The following GRIA1 variants were observed in gnomAD, a reference collection of about 807,000 sequenced individuals.
The protein encoded by GRIA1 is glutamate ionotropic receptor AMPA type subunit 1, also known as glutamate receptor 1.
A neutral mutation model predicts 99.2 loss-of-function variants in GRIA1; 31 were observed. The ratio of observed to expected loss-of-function variants is 0.31; its 90% confidence interval spans 0.23 to 0.42. The LOEUF (loss-of-function observed/expected upper bound fraction) is 0.42, where lower values mean the gene tolerates loss of function less well. Among genes scored for constraint, GRIA1 ranks in the 10% least tolerant of loss-of-function variants. The probability of loss-of-function intolerance (pLI) is 1.00; values close to 1 mark genes in which losing one functional copy is unlikely to be tolerated. For missense variants in GRIA1, 782 were observed against 1,157.5 expected, an observed-to-expected ratio of 0.68 and a Z score of 4.71; for synonymous variants, 438 against 432.4, an observed-to-expected ratio of 1.01 and a Z score of -0.16.
chr5:153,529,211 T>C (rs879750342), intron 2 of GRIA1, among the ~76,000 whole-genome samples: 2 of 152,230 alleles, frequency 1.3e-5, no homozygotes, highest in Non-Finnish European at 2.9e-5. Flanking sequence ...TCTTATATTG[T>C]CTGACAGGGC....
chr5:153,585,298 T>C (rs1561664263), intron 2 of GRIA1, among the ~76,000 whole-genome samples: 3 of 117,790 alleles, frequency 2.5e-5, no homozygotes, highest in South Asian at 2.9e-4. Context: ...TTTCTCTCTC[T>C]CTTTTTTTTT....
chr5:153,596,028 T>A (rs74379533), intron 2 of GRIA1, among the ~76,000 whole-genome samples: 2 of 147,630 alleles, frequency 1.4e-5, no homozygotes, highest in Non-Finnish European at 3.0e-5. Context: ...ATATAGACAA[T>A]AAAAAAAAAA....
chr5:153,740,289 A>G (rs140418485), intron 11 of GRIA1, among the ~76,000 whole-genome samples: 60 of 152,334 alleles, frequency 3.9e-4, no homozygotes, highest in African/African-American at 1.4e-3. Context: ...CAGGTAGCAC[A>G]TATAAACCAG....
At chr5:153,681,901 G>A (rs145891383) in intron 7 of GRIA1, among the ~76,000 whole-genome samples, 30 of 152,248 alleles carry the variant, frequency 2.0e-4, no homozygotes, top group African/African-American at 7.2e-4. Context: ...GGGATGTGTA[G>A]CAGGCACCTG....
In GRIA1 at chr5:153,802,743, T is replaced by G. The variant is rs375825238; in HGVS notation, c.2520+253T>G. On this transcript the variant is annotated intron_variant, in intron 15 of 15. Transcript: ENST00000285900. ...TTTGCCAGAGTGGGGTCAGTGAGAT[T>G]GAAGGCTAGTGGTTTACATGGATAG... Among the ~76,000 whole-genome samples, 5 of 152,194 alleles carry G rather than the reference T, an allele frequency of 3.3e-5. No homozygotes were observed. In the East Asian group the frequency reaches 9.7e-4, roughly 29 times the overall value.
At chr5:153,620,676 A>G (rs993588608) in intron 2 of GRIA1, among the ~76,000 whole-genome samples, 24 of 152,196 alleles carry the variant, frequency 1.6e-4, no homozygotes, top group African/African-American at 5.5e-4. Flanking sequence ...CTAGGGTTTT[A>G]AAATACTATT....
chr5:153,804,751 T>G (rs1479138883), intron 15 of GRIA1, among the ~76,000 whole-genome samples: 1 of 151,082 alleles, frequency 6.6e-6, no homozygotes, highest in Non-Finnish European at 1.5e-5. Flanking sequence ...ATTTATTTAT[T>G]TATTTATTTA....
Position 153,677,104 on chromosome 5 carries a change from G to C in GRIA1, c.972G>C (p.Leu324=). 6.3e-7 allele frequency: 1 copy of C among 1,581,360 alleles called. No individual in the cohort carries two copies. The highest frequency in any genetic ancestry group is 1.2e-5 in the South Asian group (1 of 86,280). ...ISRRGNAGDC[L]ANPAVPWGQG... ...GCCGGGGGAATGCTGGGGATTGTCT[G>C]GCTAACCCAGCTGTTCCCTGGGGCC... Residue 324 remains leucine, a synonymous_variant, in exon 7 of 16, where the codon CTG becomes CTC. Transcript: ENST00000285900.
At chr5:153,519,249 G>A (rs544035395) in intron 2 of GRIA1, among the ~76,000 whole-genome samples, 1 of 151,894 alleles carries the variant, frequency 6.6e-6, no homozygotes, top group East Asian at 1.9e-4. Flanking sequence ...ACGACAGAGC[G>A]AGACTCCATC....
chr5:153,747,294 T>TAAAC (rs894457731), intron 11 of GRIA1, among the ~76,000 whole-genome samples: 3 of 152,118 alleles, frequency 2.0e-5, no homozygotes, highest in African/African-American at 7.2e-5. Context: ...CAAGCTCGTT[T>TAAAC]AAACAACCAG....
At chr5:153,685,189 GGA>G (rs1757256038) in intron 7 of GRIA1, among the ~76,000 whole-genome samples, 1 of 152,196 alleles carries the variant, frequency 6.6e-6, no homozygotes, top group Non-Finnish European at 1.5e-5. Context: ...TAGGCAAGAG[GGA>G]TCTGAGGACA....
intron 2 of GRIA1, among the ~76,000 whole-genome samples, chr5:153,538,919 G>A (rs1001976451): frequency 6.6e-6 from 1 of 152,148 alleles, no homozygotes; most frequent in Non-Finnish European, 1.5e-5. Context: ...ATCCTAGCAT[G>A]TGTAATTCCA....
chr5:153,780,168 A>C (rs1378748131), intron 13 of GRIA1, among the ~76,000 whole-genome samples: 1 of 152,070 alleles, frequency 6.6e-6, no homozygotes, highest in Admixed American at 6.6e-5. Context: ...TTAATTTCAG[A>C]CTTGCTAGGT....
At chr5:153,784,779 A>G (rs544487202) in intron 13 of GRIA1, among the ~76,000 whole-genome samples, 3 of 152,316 alleles carry the variant, frequency 2.0e-5, no homozygotes, top group South Asian at 4.1e-4. Flanking sequence ...TAAATGGTCC[A>G]CACAGCCAGT....
intron 11 of GRIA1, among the ~76,000 whole-genome samples, chr5:153,715,520 C>A (rs1468080701): frequency 6.6e-6 from 1 of 152,092 alleles, no homozygotes; most frequent in African/African-American, 2.4e-5. Flanking sequence ...TTCCTACATC[C>A]AGTTTCCACT....
At chr5:153,723,203 G>A (rs990680917) in intron 11 of GRIA1, among the ~76,000 whole-genome samples, 1 of 152,230 alleles carries the variant, frequency 6.6e-6, no homozygotes, top group Non-Finnish European at 1.5e-5. Flanking sequence ...AACTCAATGT[G>A]TAAGGAAAGC....
At chr5:153,705,357 G>A (rs144102457) in intron 10 of GRIA1, among the ~76,000 whole-genome samples, 3 of 152,244 alleles carry the variant, frequency 2.0e-5, no homozygotes, top group African/African-American at 7.2e-5. Flanking sequence ...TTGAGAGTGG[G>A]GCAAGAATGG....
Position 153,490,827 on chromosome 5 carries a change from G to T in GRIA1, c.-62G>T, listed in dbSNP as rs946458496. On this transcript the variant is annotated 5_prime_UTR_variant, in exon 1 of 16. Coordinates refer to ENST00000285900, the MANE Select transcript of GRIA1 (RefSeq NM_000827.4). Reference sequence around the variant, plus strand: ...AACAGCGAGAAGAATAAAGGGAAAGGGGGGGAAACACCAAATCTATGATTG... The same window carrying T: ...AACAGCGAGAAGAATAAAGGGAAAGTGGGGGAAACACCAAATCTATGATTG... 3.4e-6 allele frequency: 4 copies of T among 1,178,582 alleles called. No individual in the cohort carries two copies. The highest frequency in any genetic ancestry group is 4.7e-5 in the East Asian group (2 of 42,920). 73.0% of individuals were successfully genotyped at this position (1,178,582 alleles called of 1,614,324 possible). A position where few individuals can be genotyped will look rare whatever the true frequency, so the allele number is the denominator to read the frequency against.
intron 5 of GRIA1, among the ~76,000 whole-genome samples, chr5:153,658,996 AC>A (rs1343506291): frequency 8.5e-6 from 1 of 118,208 alleles, no homozygotes; most frequent in African/African-American, 3.1e-5. Flanking sequence ...AAACAAACAA[AC>A]AAAAAAAAAA....
Sources: allele counts gnomAD v4.1 joint callset (sites outside exome capture counted in the v4.1 genomes callset), GRCh38; gene constraint gnomAD v4.1.1; transcripts MANE v1.5; gene names NCBI Gene and HGNC (gene_info 2026-07-23, HGNC 2026-07-21).